IGF2R: variants seen among roughly 807,000 people sequenced by gnomAD.
IGF2R encodes the protein cation-independent mannose-6-phosphate receptor.
Under a neutral mutation model 270.6 loss-of-function variants are expected in IGF2R, and 91 were observed. The observed-to-expected ratio is 0.34, with a 90% confidence interval of 0.28 to 0.40. The LOEUF is 0.40. IGF2R is among the 10% of genes least tolerant of loss of function. The pLI, the probability that IGF2R is intolerant of heterozygous loss-of-function variation, is 1.00. For synonymous variants in IGF2R, 1,316 were observed against 1,258.9 expected (o/e 1.05, Z -0.96); for missense variants, 2,805 against 3,188.3 (o/e 0.88, Z 2.90).
Position 160,075,869 on chromosome 6 carries a change from C to T in IGF2R, c.5189C>T (p.Pro1730Leu), listed in dbSNP as rs1303065635. The T allele has an allele frequency of 6.2e-7, 1 of 1,614,038 alleles. No homozygotes were observed. Among genetic ancestry groups the T allele is most frequent in the East Asian group, 2.2e-5 (1 of 44,886 alleles). The change falls in exon 36 of 48, where the codon CCA becomes CTA. Residue 1730 changes from proline (P) to leucine (L), a missense_variant. Physicochemically the swap from Pro to Leu is moderately conservative, Grantham distance 98 (BLOSUM62 -3). Transcript: ENST00000356956. ...TAGGATATCGGCCGGGTAGCAGGAC[C>T]ACCAATACTCAATCCAATAGCAAAT... ...PPIDIGRVAG[P>L]PILNPIANEI...
intron 36 of IGF2R, among the ~76,000 whole-genome samples, chr6:160,076,237 T>G (rs1336522420): frequency 6.6e-6 from 1 of 152,220 alleles, no homozygotes; most frequent in Non-Finnish European, 1.5e-5. Context: ...AACACAAGTA[T>G]AGAAATGACA....
At chr6:159,984,331 TCA>T (rs1483139448) in intron 1 of IGF2R, among the ~76,000 whole-genome samples, 1 of 152,160 alleles carries the variant, frequency 6.6e-6, no homozygotes, top group Non-Finnish European at 1.5e-5. Context: ...AATGCATTAG[TCA>T]CATGTTTGTG....
Position 160,075,928 on chromosome 6 carries a change from T to C in IGF2R, c.5248T>C (p.Cys1750Arg). The part of the protein sequence containing the change: ...IYLNFESSTP[C>R]LADKHFNYTS... ...CTTGAATTTTGAAAGCAGTACTCCT[T>C]GCTTAGCGGACAAGCATTTCAACTA... The change falls in exon 36 of 48, where the codon TGC (cysteine) becomes CGC (arginine). Residue 1750 changes from cysteine to arginine, a missense_variant. Around this residue, in one of 2 missense-constraint regions of IGF2R, gnomAD observed 1,851 missense variants for 2,207.2 expected, o/e 0.84. Transcript: ENST00000356956. 1 of 1,614,232 alleles carries C rather than the reference T, an allele frequency of 6.2e-7. No individual in the cohort carries two copies. Among genetic ancestry groups the C allele is most frequent in the Non-Finnish European group, 8.5e-7 (1 of 1,180,016 alleles).
chr6:160,093,577 T>C (rs949174464), intron 44 of IGF2R: 28 of 666,048 alleles, frequency 4.2e-5, no homozygotes, highest in Non-Finnish European at 7.3e-5. Context: ...TTCCAGAACT[T>C]GCCATCAACC....
chr6:160,078,567 T>C (rs1214446144), intron 37 of IGF2R, among the ~76,000 whole-genome samples: 1 of 152,202 alleles, frequency 6.6e-6, no homozygotes, highest in Non-Finnish European at 1.5e-5. Context: ...CAGCTGACAC[T>C]TGCGTTGTAC....
chr6:160,058,012 G>A lies in IGF2R; in HGVS notation c.2797-11G>A, dbSNP rs758366823. 6.3e-7 allele frequency: 1 copy of A among 1,586,030 alleles called. No homozygotes were observed. Among genetic ancestry groups the A allele is most frequent in the South Asian group, 1.1e-5 (1 of 90,052 alleles). ...GAATGCGCCCCTTTTTCCCCATTTT[G>A]TTTCCTGTAGGCTTGCTCTATAAGG... On this transcript the variant is annotated splice_polypyrimidine_tract_variant and intron_variant, in intron 20 of 47. Coordinates refer to ENST00000356956, the MANE Select transcript of IGF2R (RefSeq NM_000876.4).
intron 1 of IGF2R, among the ~76,000 whole-genome samples, chr6:159,976,997 A>G (rs1783705385): frequency 6.6e-6 from 1 of 152,104 alleles, no homozygotes; most frequent in African/African-American, 2.4e-5. Context: ...GCCGCTGTGG[A>G]CAGGCATGTA....
chr6:160,108,933 G>A lies in IGF2R; in HGVS notation c.*3849G>A, dbSNP rs1202501604. On this transcript the variant is annotated 3_prime_UTR_variant, in exon 48 of 48. Coordinates refer to ENST00000356956, the MANE Select transcript of IGF2R (RefSeq NM_000876.4). ...CCTGACCTCATGATCCACCTGCCTC[G>A]GCCTCCGAAAGTGCTGGGATTACAG... 1.3e-5 allele frequency: 2 copies of A among 152,118 alleles called. No homozygotes were observed. Among genetic ancestry groups the A allele is most frequent in the African/African-American group, 4.8e-5 (2 of 41,400 alleles). 9.4% of individuals were successfully genotyped at this position (152,118 alleles called of 1,614,324 possible). A position where few individuals can be genotyped will look rare whatever the true frequency, so the allele number is the denominator to read the frequency against.
At chr6:160,013,750 A>T (rs1227659404) in intron 4 of IGF2R, among the ~76,000 whole-genome samples, 2 of 151,906 alleles carry the variant, frequency 1.3e-5, no homozygotes, top group Non-Finnish European at 2.9e-5. Context: ...TTTTTGTCTT[A>T]TGGATAGATT....
intron 4 of IGF2R, among the ~76,000 whole-genome samples, chr6:160,019,563 C>T (rs1562345499): frequency 6.6e-6 from 1 of 152,108 alleles, no homozygotes; most frequent in African/African-American, 2.4e-5. Flanking sequence ...ATTCAAAAAT[C>T]TCAACAAAAT....
intron 4 of IGF2R, among the ~76,000 whole-genome samples, chr6:160,012,761 ATATTT>A (rs1236539140): frequency 6.9e-5 from 5 of 72,592 alleles, no homozygotes; most frequent in Non-Finnish European, 1.2e-4. Context: ...ATATATATAT[ATATTT>A]TTTTTTTTTT....
At chr6:160,012,961 G>A (rs9456495) in intron 4 of IGF2R, among the ~76,000 whole-genome samples, 15,039 of 151,528 alleles carry the variant, frequency 0.099, 924 homozygotes, top group South Asian at 0.23. Flanking sequence ...CCAGTTGGCC[G>A]GATCTGAGTT....
intron 2 of IGF2R, among the ~76,000 whole-genome samples, chr6:159,995,067 T>A (rs1168216017): frequency 6.6e-6 from 1 of 152,190 alleles, no homozygotes; most frequent in East Asian, 1.9e-4. Context: ...ATTACATTGC[T>A]GTCTATCTCC....
At chr6:160,099,474 C>T (rs939053767) in intron 45 of IGF2R, among the ~76,000 whole-genome samples, 1 of 152,182 alleles carries the variant, frequency 6.6e-6, no homozygotes, top group East Asian at 1.9e-4. Context: ...TCACGCCATT[C>T]TCCTGCCTCA....
chr6:159,982,495 T>A (rs2115175044), intron 1 of IGF2R, among the ~76,000 whole-genome samples: 1 of 152,348 alleles, frequency 6.6e-6, no homozygotes, highest in African/African-American at 2.4e-5. Flanking sequence ...GAGAAACATT[T>A]CTCTAGCTAG....
intron 29 of IGF2R, among the ~76,000 whole-genome samples, chr6:160,065,661 A>G (rs1778555190): frequency 6.6e-6 from 1 of 151,754 alleles, no homozygotes; most frequent in Admixed American, 6.6e-5. Flanking sequence ...AGATATCCCC[A>G]GTTCACTTAG....
At chr6:160,075,712 C>T (rs929130717) in intron 35 of IGF2R, 135 bp from the exon 36 acceptor site, 2 of 806,000 alleles carry the variant, frequency 2.5e-6, no homozygotes, top group Non-Finnish European at 2.0e-6. Context: ...TGGTATAAAC[C>T]CAGTTTCTTT....
intron 29 of IGF2R, among the ~76,000 whole-genome samples, chr6:160,066,451 C>T (rs773519115): frequency 5.3e-5 from 8 of 152,086 alleles, no homozygotes; most frequent in Non-Finnish European, 2.9e-5. Flanking sequence ...CTGCGCCCGG[C>T]CTTCCTAAAG....
chr6:160,085,904 C>G (rs1289806798), intron 41 of IGF2R, among the ~76,000 whole-genome samples: 1 of 152,214 alleles, frequency 6.6e-6, no homozygotes, highest in Admixed American at 6.5e-5. Context: ...CAGCCTGAGA[C>G]CCGCCCTCCC....
Sources: allele counts gnomAD v4.1 joint callset (sites outside exome capture counted in the v4.1 genomes callset), GRCh38; gene constraint gnomAD v4.1.1; regional missense constraint gnomAD v4.1.1; transcripts MANE v1.5; gene names NCBI Gene and HGNC (gene_info 2026-07-23, HGNC 2026-07-21).